Variants in RGS7 observed in about 807,000 individuals in gnomAD.
RGS7 encodes regulator of G-protein signaling 7.
A neutral mutation model predicts 81.1 loss-of-function variants in RGS7; 27 were observed. The ratio of observed to expected loss-of-function variants is 0.33; its 90% CI spans 0.25 to 0.46. The LOEUF is 0.46. Ranked by LOEUF, RGS7 falls within the 20% of genes least tolerant of loss-of-function variation. RGS7 has a pLI of 1.00. For synonymous variants in RGS7, 208 were observed against 207.7 expected (o/e 1.00, Z -0.01); for missense variants, 396 against 607.4 (o/e 0.65, Z 3.66).
In RGS7 at chr1:240,996,798, A is replaced by G. The variant is rs183935080; in HGVS notation, c.176-13669T>C. Among the ~76,000 whole-genome samples, 10 of 152,336 alleles carry G rather than the reference A, an allele frequency of 6.6e-5. No individual in the cohort carries two copies. The East Asian group carries it at 1.9e-3, about 29-fold the overall frequency. On this transcript the variant is annotated intron_variant, in intron 3 of 18. Coordinates refer to ENST00000440928, the MANE Select transcript of RGS7 (RefSeq NM_001364886.1). ...GTATATTTAAGTAATTACTTGTATT[A>G]AATGTAATTACCGATATGTGATGGT...
At chr1:241,056,396 T>C (rs976288102) in intron 3 of RGS7, among the ~76,000 whole-genome samples, 2 of 152,200 alleles carry the variant, frequency 1.3e-5, no homozygotes, top group African/African-American at 4.8e-5. Flanking sequence ...TCTCATCTCA[T>C]TCATTTACGT....
chr1:240,964,111 G>A (rs1275721706), intron 4 of RGS7, among the ~76,000 whole-genome samples: 1 of 152,246 alleles, frequency 6.6e-6, no homozygotes, highest in Non-Finnish European at 1.5e-5. Flanking sequence ...AGCAAGAGAA[G>A]CAAGAATGGG....
chr1:241,252,542 C>T (rs919974691), intron 2 of RGS7, among the ~76,000 whole-genome samples: 48 of 152,094 alleles, frequency 3.2e-4, no homozygotes, highest in African/African-American at 1.1e-3. Flanking sequence ...TCACACACAG[C>T]CCAGTGTATT....
intron 2 of RGS7, among the ~76,000 whole-genome samples, chr1:241,142,760 T>C (rs1379453937): frequency 6.6e-6 from 1 of 152,196 alleles, no homozygotes; most frequent in Non-Finnish European, 1.5e-5. Flanking sequence ...AACATTCAGC[T>C]CCTCCTTACA....
chr1:241,157,472 G>A (rs972455415), intron 2 of RGS7, among the ~76,000 whole-genome samples: 2 of 152,154 alleles, frequency 1.3e-5, no homozygotes, highest in Admixed American at 6.5e-5. Flanking sequence ...GCAAAAAGTC[G>A]TTCACTGCTG....
At chr1:241,175,366 T>C (rs2071053405) in intron 2 of RGS7, among the ~76,000 whole-genome samples, 1 of 152,150 alleles carries the variant, frequency 6.6e-6, no homozygotes, top group Admixed American at 6.5e-5. Context: ...TGTAGGTACT[T>C]CAGCCATCAC....
intron 2 of RGS7, among the ~76,000 whole-genome samples, chr1:241,344,387 T>C (rs1313756733): frequency 1.3e-5 from 2 of 152,228 alleles, no homozygotes; most frequent in African/African-American, 4.8e-5. Flanking sequence ...CTTCCATTGG[T>C]AGGAAAATCC....
chr1:241,273,062 T>C (rs1383106867), intron 2 of RGS7, among the ~76,000 whole-genome samples: 1 of 152,200 alleles, frequency 6.6e-6, no homozygotes, highest in East Asian at 1.9e-4. Flanking sequence ...GGTCTGCTTC[T>C]GTTGACTATT....
At chr1:240,861,041 T>C (rs1184954206) in intron 9 of RGS7, among the ~76,000 whole-genome samples, 1 of 152,184 alleles carries the variant, frequency 6.6e-6, no homozygotes, top group African/African-American at 2.4e-5. Context: ...AATGTTAGGT[T>C]TAGGATAGGG....
At chr1:240,822,799 G>A (rs1226900637) in intron 10 of RGS7, among the ~76,000 whole-genome samples, 2 of 151,924 alleles carry the variant, frequency 1.3e-5, no homozygotes, top group Admixed American at 6.6e-5. Context: ...GCTATGATAC[G>A]ATGGCCTTAA....
At chr1:241,332,735 C>A (rs2082038214) in intron 2 of RGS7, among the ~76,000 whole-genome samples, 1 of 152,196 alleles carries the variant, frequency 6.6e-6, no homozygotes, top group Non-Finnish European at 1.5e-5. Context: ...AAAGCAGAAA[C>A]TTACTGGCAG....
chr1:241,164,431 G>A lies in RGS7; in HGVS notation c.79-65669C>T, dbSNP rs1048162524. 4.6e-5 allele frequency among the ~76,000 whole-genome samples: 7 copies of A among 151,984 alleles called. No homozygotes were observed. The highest frequency in any genetic ancestry group is 9.7e-5 in the African/African-American group (4 of 41,362). ...TCATGCATTGGTCTTTTCAGCGTCC[G>A]GTCCCCATCCTGAAGCCACCTAGGG... On this transcript the variant is annotated intron_variant, in intron 2 of 18. Coordinates refer to ENST00000440928, the MANE Select transcript of RGS7 (RefSeq NM_001364886.1). The surrounding 1 kb of genome is among the most constrained non-coding windows in gnomAD (Gnocchi z 4.1).
chr1:241,053,029 G>C (rs1330127383), intron 3 of RGS7, among the ~76,000 whole-genome samples: 1 of 152,020 alleles, frequency 6.6e-6, no homozygotes, highest in Non-Finnish European at 1.5e-5. Flanking sequence ...TTTGGAAGGG[G>C]AATCCCTTAT....
chr1:240,920,875 T>A (rs950326233), intron 6 of RGS7, among the ~76,000 whole-genome samples: 1 of 151,950 alleles, frequency 6.6e-6, no homozygotes, highest in Non-Finnish European at 1.5e-5. Context: ...GGTCTTAATG[T>A]AGATTTTTTT....
intron 2 of RGS7, among the ~76,000 whole-genome samples, chr1:241,297,618 A>G (rs2079505100): frequency 6.6e-6 from 1 of 152,210 alleles, no homozygotes; most frequent in Non-Finnish European, 1.5e-5. Flanking sequence ...TAATTGGCCA[A>G]TGCTCGGAAG....
intron 2 of RGS7, among the ~76,000 whole-genome samples, chr1:241,192,232 GGTTTT>G (rs1430690525): frequency 4.3e-5 from 5 of 116,172 alleles, no homozygotes; most frequent in Non-Finnish European, 8.7e-5. Context: ...GATTTGGCTT[GGTTTT>G]ATTTTCTGTC....
At chr1:241,181,462 A>G (rs1233837331) in intron 2 of RGS7, among the ~76,000 whole-genome samples, 1 of 152,246 alleles carries the variant, frequency 6.6e-6, no homozygotes, top group African/African-American at 2.4e-5. Flanking sequence ...TGTAAAGGAC[A>G]GCACAGAGCT....
intron 9 of RGS7, among the ~76,000 whole-genome samples, chr1:240,843,580 A>G (rs1187622906): frequency 6.6e-6 from 1 of 152,160 alleles, no homozygotes; most frequent in Non-Finnish European, 1.5e-5. Flanking sequence ...ACATATCTTT[A>G]TGTTGAGTTT....
At position 241,261,628 on chromosome 1, in the gene RGS7, CAA is replaced by C. The variant is rs35082766; in HGVS notation, c.78+94069_78+94070del. Among the ~76,000 whole-genome samples, 234 of 61,742 alleles carry C rather than the reference CAA, an allele frequency of 3.8e-3. 2 individuals are homozygous for C. The highest frequency in any genetic ancestry group is 0.013 in the African/African-American group (184 of 14,396). The allele number at this position is 61,742 out of a possible 152,430, so 40.5% of individuals were successfully genotyped here. On this transcript the variant is annotated intron_variant, in intron 2 of 18. Transcript: ENST00000440928. ...TGGGCGACAGGGTGAGACTCTGTCT[CAA>C]AAAAAAAAAAAAAAAAAAATGAGGG...
Sources: allele counts gnomAD v4.1 joint callset (sites outside exome capture counted in the v4.1 genomes callset), GRCh38; gene constraint gnomAD v4.1.1; non-coding constraint Gnocchi (gnomAD v3.1); transcripts MANE v1.5; gene names NCBI Gene and HGNC (gene_info 2026-07-23, HGNC 2026-07-21).